Variants in BTNL8 observed in about 807,000 individuals in gnomAD.
BTNL8 encodes butyrophilin-like protein 8.
In BTNL8, 22 loss-of-function variants were observed where a neutral mutation model predicts 36.1. The observed-to-expected ratio is 0.61, with a 90% CI of 0.44 to 0.87. The LOEUF is 0.87. BTNL8 is among the 40% of genes least tolerant of loss of function. The probability of loss-of-function intolerance (pLI) is 0.00; values close to 1 mark genes in which losing one functional copy is unlikely to be tolerated. For synonymous variants in BTNL8, 203 were observed against 235.6 expected, an observed-to-expected ratio of 0.86 and a Z score of 1.27; for missense variants, 526 against 616.9, an observed-to-expected ratio of 0.85 and a Z score of 1.56.
chr5:180,928,768 C>A (rs911867261), intron 3 of BTNL8, among the ~76,000 whole-genome samples: 1 of 152,168 alleles, frequency 6.6e-6, no homozygotes, highest in Non-Finnish European at 1.5e-5. Flanking sequence ...AGCTAACTAT[C>A]CTAAATATAT....
intron 2 of BTNL8, chr5:180,909,693 A>T: frequency 4.4e-6 from 2 of 457,418 alleles, no homozygotes; most frequent in Non-Finnish European, 5.7e-6. Flanking sequence ...CAGCCTGGGC[A>T]TATGGTAAGA....
chr5:180,935,615 G>A lies in BTNL8; in HGVS notation c.674-11897G>A, dbSNP rs536327128. On this transcript the variant is annotated intron_variant, in intron 3 of 7. Coordinates refer to ENST00000340184, the MANE Select transcript of BTNL8 (RefSeq NM_001040462.3). The surrounding 1 kb of genome is among the most constrained non-coding windows in gnomAD (Gnocchi z 4.8). The stretch of plus-strand genomic sequence containing the variant: ...GGGCAGAGAGGGTTTCCAGGGCCCC[G>A]AGAGCACAGTGATGCCTGGGTCTGG... 6.4e-4 allele frequency among the ~76,000 whole-genome samples: 97 copies of A among 152,348 alleles called. No individual in the cohort carries two copies. The highest frequency in any genetic ancestry group is 1.2e-3 in the Non-Finnish European group (80 of 68,032).
At chr5:180,933,527 A>T (rs1202185084) in intron 3 of BTNL8, among the ~76,000 whole-genome samples, 2 of 152,232 alleles carry the variant, frequency 1.3e-5, no homozygotes, top group East Asian at 1.9e-4. Flanking sequence ...ATTAAACAAC[A>T]TGCTTTCAAA....
chr5:180,901,735 AT>A (rs1367082441), intron 1 of BTNL8, among the ~76,000 whole-genome samples: 7 of 152,118 alleles, frequency 4.6e-5, no homozygotes, highest in Non-Finnish European at 1.0e-4. Flanking sequence ...TGTACCAAGA[AT>A]TTTTTTTAAA....
rs1054124388 is a variant in BTNL8, at chr5:180,942,921, G to A, written c.674-4591G>A. ...GATTTCAAAACCACAGACAATAAAA[G>A]CAGAAACAGACAAGTGTGATTATAT... On this transcript the variant is annotated intron_variant, in intron 3 of 7. Coordinates refer to ENST00000340184, the MANE Select transcript of BTNL8 (RefSeq NM_001040462.3). Among the ~76,000 whole-genome samples, 7 of 151,934 alleles carry A rather than the reference G, an allele frequency of 4.6e-5. 1 individual carries two copies. In the South Asian group the frequency reaches 1.0e-3, roughly 22 times the overall value.
intron 1 of BTNL8, among the ~76,000 whole-genome samples, chr5:180,907,785 G>T (rs916562558): frequency 6.6e-6 from 1 of 151,892 alleles, no homozygotes; most frequent in Admixed American, 6.6e-5. Context: ...GCCGTGTGAG[G>T]TGTCAGTGTG....
intron 3 of BTNL8, among the ~76,000 whole-genome samples, chr5:180,921,589 C>T (rs1757860232): frequency 6.6e-6 from 1 of 151,304 alleles, no homozygotes; most frequent in Admixed American, 6.6e-5. Context: ...CAGCACAGTG[C>T]CTGTAGCTAA....
chr5:180,914,866 G>T (rs574396180), intron 3 of BTNL8, among the ~76,000 whole-genome samples: 12 of 152,280 alleles, frequency 7.9e-5, no homozygotes, highest in African/African-American at 2.9e-4. Flanking sequence ...GGTAAGAACT[G>T]TTTCCTTCTA....
In BTNL8 at chr5:180,905,102, T is replaced by C. The variant is rs959633786; in HGVS notation, c.50-3484T>C. Among the ~76,000 whole-genome samples the C allele has an allele frequency of 8.3e-3, 1,250 of 151,464 alleles. 19 individuals are homozygous for C. The highest frequency in any genetic ancestry group is 0.029 in the African/African-American group (1,183 of 40,984). On this transcript the variant is annotated intron_variant, in intron 1 of 7. Transcript: ENST00000340184. ...AATGGAATGGTTTCAGAAGGAATGG[T>C]ACCAGTTCCTCCTTGTACCTCTGGT...
At chr5:180,933,164 A>T (rs1758485337) in intron 3 of BTNL8, among the ~76,000 whole-genome samples, 1 of 152,216 alleles carries the variant, frequency 6.6e-6, no homozygotes, top group Admixed American at 6.5e-5. Flanking sequence ...ACATCAAAGC[A>T]GTTAGTAAAT....
At chr5:180,921,051 T>C (rs1757840627) in intron 3 of BTNL8, among the ~76,000 whole-genome samples, 1 of 152,086 alleles carries the variant, frequency 6.6e-6, no homozygotes, top group South Asian at 2.1e-4. Context: ...TAGTCTTATA[T>C]GTAGATAAAC....
At chr5:180,942,357 C>T (rs915950769) in intron 3 of BTNL8, among the ~76,000 whole-genome samples, 1 of 152,078 alleles carries the variant, frequency 6.6e-6, no homozygotes, top group Non-Finnish European at 1.5e-5. Flanking sequence ...GGTAAAATGA[C>T]CACACTACCC....
intron 3 of BTNL8, chr5:180,945,654 C>T (rs963350886): frequency 2.2e-5 from 6 of 275,268 alleles, no homozygotes; most frequent in African/African-American, 6.5e-5. Flanking sequence ...GGGGAAAGGA[C>T]CTGAACAAAC....
intron 3 of BTNL8, among the ~76,000 whole-genome samples, chr5:180,917,975 G>A (rs1318492983): frequency 6.0e-5 from 9 of 150,836 alleles, no homozygotes; most frequent in Non-Finnish European, 1.3e-4. Flanking sequence ...CTTGCAGTGA[G>A]CTGAGATGGC....
chr5:180,932,807 T>C (rs537857073), intron 3 of BTNL8, among the ~76,000 whole-genome samples: 6 of 152,138 alleles, frequency 3.9e-5, no homozygotes, highest in Middle Eastern at 3.4e-3. Flanking sequence ...TAAAACAAAT[T>C]ATAAAATGGA....
At chr5:180,908,203 T>C (rs1254252973) in intron 1 of BTNL8, among the ~76,000 whole-genome samples, 1 of 152,216 alleles carries the variant, frequency 6.6e-6, no homozygotes, top group Non-Finnish European at 1.5e-5. Flanking sequence ...GTGTGGGATA[T>C]AATCTCGTGG....
At chr5:180,925,702 A>T (rs1002214965) in intron 3 of BTNL8, among the ~76,000 whole-genome samples, 2 of 152,196 alleles carry the variant, frequency 1.3e-5, no homozygotes, top group African/African-American at 2.4e-5. Flanking sequence ...AAACATATGG[A>T]AGTAAAAAAC....
intron 3 of BTNL8, among the ~76,000 whole-genome samples, chr5:180,921,774 T>G (rs1266648229): frequency 2.0e-5 from 3 of 151,880 alleles, no homozygotes; most frequent in Non-Finnish European, 4.4e-5. Flanking sequence ...ATGTCTATAG[T>G]CTTGATGGTG....
At position 180,950,128 on chromosome 5, in the gene BTNL8, G is replaced by C; in HGVS notation, c.1087G>C (p.Asp363His). The C allele has an allele frequency of 6.8e-7, 1 of 1,462,986 alleles. No individual in the cohort carries two copies. The allele number at this position is 1,462,986 out of a possible 1,614,324, so 90.6% of individuals were successfully genotyped here. ...WRVGVCRDDV[D>H]RRKEYVTLSP... The stretch of plus-strand genomic sequence containing the variant: ...CGTGGGAGTGTGCCGGGATGATGTG[G>C]ACAGGAGGAAGGAGTACGTGACTTT... The change falls in exon 8 of 8, where the codon GAC becomes CAC. Residue 363 changes from aspartate (D) to histidine (H), a missense_variant. Asp to His is a moderately conservative substitution (Grantham distance 81, BLOSUM62 -1). This residue lies in a region of BTNL8 where 176 missense variants were observed against 292.3 expected (regional missense o/e 0.60). Transcript: ENST00000340184.
Sources: allele counts gnomAD v4.1 joint callset (sites outside exome capture counted in the v4.1 genomes callset), GRCh38; gene constraint gnomAD v4.1.1; regional missense constraint gnomAD v4.1.1; non-coding constraint Gnocchi (gnomAD v3.1); transcripts MANE v1.5; gene names NCBI Gene and HGNC (gene_info 2026-07-23, HGNC 2026-07-21).